Variants in ELMO1 observed in about 807,000 individuals in gnomAD.
ELMO1 encodes the protein engulfment and cell motility 1, also known as engulfment and cell motility protein 1.
In ELMO1, 26 loss-of-function variants were observed where a neutral mutation model predicts 98.9. That is an observed-to-expected ratio of 0.26 (90% confidence interval 0.19 to 0.36). The LOEUF (loss-of-function observed/expected upper bound fraction) is 0.36. ELMO1 is among the 10% of genes least tolerant of loss of function. The pLI, the probability that ELMO1 is intolerant of heterozygous loss-of-function variation, is 1.00. For synonymous variants in ELMO1, 346 were observed against 346.0 expected (o/e 1.00, Z 0.00); for missense variants, 627 against 935.2 (o/e 0.67, Z 4.30).
At chr7:36,922,243 T>G (rs1430444488) in intron 16 of ELMO1, among the ~76,000 whole-genome samples, 1 of 151,200 alleles carries the variant, frequency 6.6e-6, no homozygotes, top group African/African-American at 2.4e-5. Flanking sequence ...CTATATTTTC[T>G]CTCAACCTCA....
intron 15 of ELMO1, among the ~76,000 whole-genome samples, chr7:37,050,879 C>T (rs1796077048): frequency 6.6e-6 from 1 of 151,250 alleles, no homozygotes; most frequent in Non-Finnish European, 1.5e-5. Context: ...ACATTTGTTC[C>T]TAATATTTAG....
chr7:37,225,149 C>A (rs1320258816), intron 8 of ELMO1, 119 bp from the exon 9 acceptor site: 3 of 1,181,690 alleles, frequency 2.5e-6, no homozygotes, highest in Non-Finnish European at 3.6e-6. Context: ...CTGAGGATGA[C>A]CTGGAATTAC....
chr7:37,311,009 C>T (rs1319753546), intron 4 of ELMO1, among the ~76,000 whole-genome samples: 1 of 149,746 alleles, frequency 6.7e-6, no homozygotes, highest in Non-Finnish European at 1.5e-5. Context: ...TTCTCTCCCT[C>T]TCTCTCTCTC....
chr7:37,401,562 C>A (rs947445951), intron 1 of ELMO1, among the ~76,000 whole-genome samples: 9 of 152,090 alleles, frequency 5.9e-5, no homozygotes, highest in Non-Finnish European at 1.3e-4. Context: ...GCTAAGGAGG[C>A]CTCAGGAAAC....
chr7:37,430,343 C>A (rs1337877467), intron 1 of ELMO1, among the ~76,000 whole-genome samples: 2 of 152,178 alleles, frequency 1.3e-5, no homozygotes, highest in African/African-American at 4.8e-5. Context: ...CAAAGGCACT[C>A]CACATGTATC....
intron 14 of ELMO1, among the ~76,000 whole-genome samples, chr7:37,113,754 G>A (rs1040655298): frequency 1.3e-5 from 2 of 152,180 alleles, no homozygotes; most frequent in Admixed American, 6.5e-5. Flanking sequence ...GAGGCCATTA[G>A]GGTAGGGTCC....
At chr7:37,031,791 A>G (rs1243997632) in intron 15 of ELMO1, among the ~76,000 whole-genome samples, 1 of 152,206 alleles carries the variant, frequency 6.6e-6, no homozygotes, top group Admixed American at 6.5e-5. Context: ...GAGTTCTTGA[A>G]GTCACCACAT....
At chr7:36,976,527 G>T (rs1454647024) in intron 16 of ELMO1, among the ~76,000 whole-genome samples, 1 of 152,160 alleles carries the variant, frequency 6.6e-6, no homozygotes, top group Non-Finnish European at 1.5e-5. Context: ...CCCAAGAGAA[G>T]TATCCCATTG....
chr7:36,950,011 G>A (rs999352374), intron 16 of ELMO1, among the ~76,000 whole-genome samples: 43 of 152,100 alleles, frequency 2.8e-4, no homozygotes, highest in Admixed American at 8.5e-4. Flanking sequence ...GAGTTCCCTC[G>A]TGCTGTGTTC....
chr7:36,914,910 G>A lies in ELMO1; in HGVS notation c.1438-19893C>T, dbSNP rs1474384979. Among the ~76,000 whole-genome samples, 3 of 123,738 alleles carry A rather than the reference G, an allele frequency of 2.4e-5. No homozygotes were observed. The South Asian group carries it at 7.5e-4, about 31-fold the overall frequency. The allele number at this position is 123,738 out of a possible 152,430, so 81.2% of individuals were successfully genotyped here. ...TAAAATGCAAGATTTCAGAAATTCA[G>A]AAATTCAAATTGTGAAATCCATACA... On this transcript the variant is annotated intron_variant, in intron 16 of 21. Coordinates refer to ENST00000310758, the MANE Select transcript of ELMO1 (RefSeq NM_014800.11).
chr7:37,037,516 C>T (rs1795257283), intron 15 of ELMO1, among the ~76,000 whole-genome samples: 1 of 152,168 alleles, frequency 6.6e-6, no homozygotes, highest in South Asian at 2.1e-4. Flanking sequence ...GGAAGCAGTG[C>T]CAGGAATCGG....
At chr7:37,270,904 G>GACACACAC (rs70975007) in intron 5 of ELMO1, 3 of 133,644 alleles carry the variant, frequency 2.2e-5, no homozygotes, top group African/African-American at 8.2e-5. Context: ...CACACACACA[G>GACACACAC]ACACACACAC....
intron 13 of ELMO1, among the ~76,000 whole-genome samples, chr7:37,170,983 T>C (rs1192579200): frequency 6.6e-6 from 1 of 152,168 alleles, no homozygotes; most frequent in East Asian, 1.9e-4. Context: ...AAAAATTCTT[T>C]TAAAACTATT....
At chr7:37,341,570 C>A (rs1277268006) in intron 2 of ELMO1, among the ~76,000 whole-genome samples, 1 of 152,106 alleles carries the variant, frequency 6.6e-6, no homozygotes, top group East Asian at 1.9e-4. Context: ...CAAAAATTTA[C>A]CCTTTCTTAC....
At chr7:36,915,476 G>A (rs1320851341) in intron 16 of ELMO1, among the ~76,000 whole-genome samples, 3 of 152,200 alleles carry the variant, frequency 2.0e-5, no homozygotes, top group South Asian at 4.1e-4. Flanking sequence ...CTCCAAAGCT[G>A]TGATCACATT....
At chr7:37,311,084 T>G (rs1163698473) in intron 4 of ELMO1, among the ~76,000 whole-genome samples, 1 of 152,020 alleles carries the variant, frequency 6.6e-6, no homozygotes, top group Non-Finnish European at 1.5e-5. Flanking sequence ...TCATTGAATC[T>G]TAACTTTCTC....
At position 36,973,269 on chromosome 7, in the gene ELMO1, A is replaced by T. The variant is rs117848496; in HGVS notation, c.1437+40030T>A. Reference sequence around the variant, plus strand: ...CCAGCCTTCTGCCTCCTGGAGCGAGACTGCTGTTCTTTTTCTCCCCTAGCT... The same window carrying T: ...CCAGCCTTCTGCCTCCTGGAGCGAGTCTGCTGTTCTTTTTCTCCCCTAGCT... On this transcript the variant is annotated intron_variant, in intron 16 of 21. Transcript: ENST00000310758. 1.0e-3 allele frequency among the ~76,000 whole-genome samples: 156 copies of T among 152,294 alleles called. 2 individuals are homozygous for T. The East Asian group carries it at 0.028, about 28-fold the overall frequency.
At chr7:37,097,236 C>T (rs1014504757) in intron 14 of ELMO1, among the ~76,000 whole-genome samples, 2 of 152,164 alleles carry the variant, frequency 1.3e-5, no homozygotes, top group African/African-American at 4.8e-5. Context: ...CCTGAGACTT[C>T]ATACTAAGAG....
intron 13 of ELMO1, among the ~76,000 whole-genome samples, chr7:37,178,555 T>C (rs1252518250): frequency 6.6e-6 from 1 of 151,702 alleles, no homozygotes; most frequent in East Asian, 1.9e-4. Context: ...TAAGCTGAGA[T>C]CACACCACTG....
Sources: gnomAD v4.1 joint callset for allele counts (sites outside exome capture counted in the v4.1 genomes callset) on GRCh38, gnomAD v4.1.1 for gene constraint, MANE v1.5 for transcripts, NCBI Gene and HGNC (gene_info 2026-07-23, HGNC 2026-07-21) for gene names.